The following NCAPD2 variants were observed in gnomAD, a reference collection of about 807,000 sequenced individuals.
NCAPD2 encodes non-SMC condensin I complex subunit D2, also known as condensin complex subunit 1.
In NCAPD2, 100 loss-of-function variants were observed where a neutral mutation model predicts 164.5. That is an observed-to-expected ratio of 0.61 (90% CI 0.52 to 0.72). The LOEUF is 0.72. NCAPD2 is among the 30% of genes least tolerant of loss of function. The pLI, the probability that NCAPD2 is intolerant of heterozygous loss-of-function variation, is 0.00. For synonymous variants in NCAPD2, 585 were observed against 642.6 expected (o/e 0.91, Z 1.36); for missense variants, 1,560 against 1,749.2 (o/e 0.89, Z 1.93).
intron 16 of NCAPD2, 85 bp from the exon 17 acceptor site, chr12:6,523,177 A>C (rs1946281052): frequency 6.7e-7 from 1 of 1,483,956 alleles, no homozygotes; most frequent in Non-Finnish European, 9.4e-7. Context: ...GTTTTGTAGC[A>C]CTGTGGTGGG....
intron 2 of NCAPD2, among the ~76,000 whole-genome samples, chr12:6,509,030 C>T (rs1946122020): frequency 6.6e-6 from 1 of 150,422 alleles, no homozygotes; most frequent in Non-Finnish European, 1.5e-5. Flanking sequence ...CAACTAAGTG[C>T]ATTGTGGGAT....
At position 6,529,635 on chromosome 12, in the gene NCAPD2, C is replaced by T. The variant is rs752572899; in HGVS notation, c.3653+42C>T. 41 of 1,609,272 alleles carry T rather than the reference C, an allele frequency of 2.5e-5. No individual in the cohort carries two copies. The Admixed American group carries it at 6.8e-4, about 27-fold the overall frequency. On this transcript the variant is annotated intron_variant, in intron 28 of 31. Transcript: ENST00000315579. ...GAGGGTTCTTTGTGCTGAGCGGGGC[C>T]CTGCAGGGGAGAAAGGCCCATCCCT...
At chr12:6,518,982 T>C (rs7978597) in intron 13 of NCAPD2, among the ~76,000 whole-genome samples, 26,994 of 151,568 alleles carry the variant, frequency 0.18, 2,537 homozygotes, top group East Asian at 0.33. Flanking sequence ...ACCTCCTGGG[T>C]TCACGCCATT....
At chr12:6,520,920 G>A (rs985913166) in intron 13 of NCAPD2, 66 bp from the exon 14 acceptor site, 11 of 1,604,826 alleles carry the variant, frequency 6.9e-6, no homozygotes, top group Admixed American at 1.7e-5. Flanking sequence ...GAATCATGAG[G>A]TAAGCTCCCT....
At chr12:6,516,740 T>C in intron 9 of NCAPD2, 88 bp from the exon 10 acceptor site, 1 of 1,249,566 alleles carries the variant, frequency 8.0e-7, no homozygotes, top group Non-Finnish European at 1.2e-6. Flanking sequence ...AGTGAATACC[T>C]AGGCAGTTAA....
intron 2 of NCAPD2, among the ~76,000 whole-genome samples, chr12:6,501,104 A>G (rs1218121569): frequency 7.0e-6 from 1 of 143,238 alleles, no homozygotes; most frequent in Non-Finnish European, 1.5e-5. Context: ...TCTGTCACCC[A>G]GGTTGGCGTG....
intron 2 of NCAPD2, among the ~76,000 whole-genome samples, chr12:6,498,602 A>T (rs1414264259): frequency 2.0e-5 from 3 of 150,422 alleles, no homozygotes; most frequent in African/African-American, 7.3e-5. Context: ...ACAGTAAGAG[A>T]TTAACAACAA....
Position 6,526,982 on chromosome 12 carries a change from G to A in NCAPD2, c.2826G>A (p.Glu942=), listed in dbSNP as rs143514213. The change falls in exon 22 of 32, where the codon GAG becomes GAA. Residue 942 remains glutamate, a synonymous_variant. Coordinates refer to ENST00000315579, the MANE Select transcript of NCAPD2 (RefSeq NM_014865.4). ...DVALQQLVHL[E]QAVSGELCRR... is the part of the protein sequence containing the mutation. The stretch of plus-strand genomic sequence containing the variant: ...CTCTGCAGCAGCTGGTCCACTTGGA[G>A]CAGGCAGTGAGTGGAGAGCTCTGCC... 4 of 1,614,196 alleles carry A rather than the reference G, an allele frequency of 2.5e-6. No individual in the cohort carries two copies. Among genetic ancestry groups the A allele is most frequent in the Non-Finnish European group, 3.4e-6 (4 of 1,180,042 alleles).
At chr12:6,529,473 G>A (rs370384125) in intron 27 of NCAPD2, 40 bp from the exon 28 acceptor site, 10 of 1,576,800 alleles carry the variant, frequency 6.3e-6, no homozygotes, top group East Asian at 4.5e-5. Flanking sequence ...GGCAGAGCTG[G>A]CCCTGGGCCA....
rs754028921 is a variant in NCAPD2 at position 6,514,867 on chromosome 12, C to T, written c.934C>T (p.Pro312Ser). 1 of 1,614,158 alleles carries T rather than the reference C, an allele frequency of 6.2e-7. No homozygotes were observed. The highest frequency in any genetic ancestry group is 1.1e-5 in the South Asian group (1 of 91,082). ...CCTGACAGAACTAGCAGAACGTGTC[C>T]CAGCTATCCTGATGTCCAGCATGTG... ...AFLTELAERV[P>S]AILMSSMCIL... The change falls in exon 9 of 32, where the codon CCA (proline) becomes TCA (serine). Residue 312 changes from proline to serine, a missense_variant. Transcript: ENST00000315579.
At chr12:6,515,863 G>A (rs1289909990) in intron 9 of NCAPD2, among the ~76,000 whole-genome samples, 1 of 152,126 alleles carries the variant, frequency 6.6e-6, no homozygotes, top group Non-Finnish European at 1.5e-5. Flanking sequence ...GAAGGAGAGT[G>A]GGAGGGAAAG....
At chr12:6,530,581 G>A in intron 29 of NCAPD2, 110 bp from the exon 30 acceptor site, 2 of 1,393,288 alleles carry the variant, frequency 1.4e-6, no homozygotes, top group Non-Finnish European at 2.0e-6. Flanking sequence ...TCTCACCTTG[G>A]CTTCTTAGTA....
intron 9 of NCAPD2, among the ~76,000 whole-genome samples, chr12:6,515,122 T>C (rs567868638): frequency 6.6e-6 from 1 of 152,344 alleles, no homozygotes; most frequent in East Asian, 1.9e-4. Context: ...CAATTCACAT[T>C]GCTTTTATCC....
Position 6,531,083 on chromosome 12 carries a change from T to C in NCAPD2, c.4120+7T>C. 1 of 1,612,616 alleles carries C rather than the reference T, an allele frequency of 6.2e-7. No homozygotes were observed. The highest frequency in any genetic ancestry group is 8.5e-7 in the Non-Finnish European group (1 of 1,179,790). On this transcript the variant is annotated splice_region_variant and intron_variant, in intron 31 of 31. Coordinates refer to ENST00000315579, the MANE Select transcript of NCAPD2 (RefSeq NM_014865.4). The surrounding 1 kb of genome is among the most constrained non-coding windows in gnomAD (Gnocchi z 4.1). ...GATGAGTCCAGTGAGGAAGGTATGA[T>C]GCTCCCGCCTGTTCCCGGCCGAGAA... is the stretch of plus-strand genomic sequence containing the variant.
chr12:6,517,109 C>G, intron 10 of NCAPD2, 84 bp downstream of exon 10: 1 of 1,486,968 alleles, frequency 6.7e-7, no homozygotes, highest in Non-Finnish European at 9.4e-7. Flanking sequence ...AGATAAATAT[C>G]TGCCCCAAAG....
intron 21 of NCAPD2, 27 bp downstream of exon 21, chr12:6,526,642 C>T (rs370770508): frequency 1.1e-4 from 178 of 1,602,038 alleles, no homozygotes; most frequent in Middle Eastern, 1.9e-4. Flanking sequence ...TGACCCACTG[C>T]GGCAGCCAGC....
At chr12:6,523,170 T>C in intron 16 of NCAPD2, 92 bp from the exon 17 acceptor site, 3 of 1,476,754 alleles carry the variant, frequency 2.0e-6, no homozygotes, top group South Asian at 2.3e-5. Context: ...GAGAGCAGTT[T>C]TGTAGCACTG....
chr12:6,530,605 G>T (rs1946361713), intron 29 of NCAPD2, 86 bp from the exon 30 acceptor site: 1 of 1,556,082 alleles, frequency 6.4e-7, no homozygotes, highest in Non-Finnish European at 8.7e-7. Flanking sequence ...TGCGTTTAAG[G>T]CCTCCATGTC....
In NCAPD2 at chr12:6,514,472, GT is replaced by G; in HGVS notation, c.725del (p.Val242GlyfsTer21). On this transcript the variant is annotated frameshift_variant, in exon 8 of 32. Transcript: ENST00000315579. LOFTEE classifies it high-confidence loss of function. The stretch of plus-strand genomic sequence containing the variant: ...GTTTAATGCTTCCACAGGTGCTACA[GT>G]GAAGATCATCCAGATGCTGCAGCAC... ...TRYNHMLSAT[V>X]KIIQMLQHFE... 6.2e-7 allele frequency: 1 copy of G among 1,614,182 alleles called. No homozygotes were observed. The highest frequency in any genetic ancestry group is 8.5e-7 in the Non-Finnish European group (1 of 1,180,044).
Sources: allele counts gnomAD v4.1 joint callset (sites outside exome capture counted in the v4.1 genomes callset), GRCh38; gene constraint gnomAD v4.1.1; non-coding constraint Gnocchi (gnomAD v3.1); transcripts MANE v1.5; gene names NCBI Gene and HGNC (gene_info 2026-07-23, HGNC 2026-07-21).